Variants in RBM26 observed in about 807,000 individuals in gnomAD.
RBM26 encodes the protein RNA binding motif protein 26.
Under a neutral mutation model 123.6 loss-of-function variants are expected in RBM26, and 30 were observed. The observed-to-expected ratio is 0.24, with a 90% CI of 0.18 to 0.33. RBM26 has a LOEUF of 0.33. Ranked by LOEUF, RBM26 falls within the 10% of genes least tolerant of loss-of-function variation. The pLI is 1.00. For synonymous variants in RBM26, 400 were observed against 404.4 expected (o/e 0.99, Z 0.13); for missense variants, 947 against 1,203.6 (o/e 0.79, Z 3.15).
intron 1 of RBM26, among the ~76,000 whole-genome samples, chr13:79,386,473 A>G (rs77931165): frequency 6.6e-6 from 1 of 151,686 alleles, no homozygotes. Flanking sequence ...TCAGATAACA[A>G]AACCAAAGTA....
At chr13:79,373,898 C>G (rs2076401070) in intron 3 of RBM26, among the ~76,000 whole-genome samples, 2 of 150,942 alleles carry the variant, frequency 1.3e-5, no homozygotes, top group African/African-American at 4.9e-5. Flanking sequence ...CTCAGTGCTA[C>G]TTTCTCCAGA....
intron 1 of RBM26, among the ~76,000 whole-genome samples, chr13:79,384,837 T>G (rs1214575653): frequency 6.6e-6 from 1 of 152,166 alleles, no homozygotes; most frequent in African/African-American, 2.4e-5. Context: ...TGTGTTTTAG[T>G]TTTTCAGATT....
chr13:79,382,384 T>C (rs2077132762), intron 1 of RBM26, among the ~76,000 whole-genome samples: 1 of 152,116 alleles, frequency 6.6e-6, no homozygotes, highest in African/African-American at 2.4e-5. Flanking sequence ...GCTAGCATCC[T>C]GAAAATGTGT....
chr13:79,347,420 C>T (rs1056434096), intron 14 of RBM26, among the ~76,000 whole-genome samples: 9 of 152,142 alleles, frequency 5.9e-5, no homozygotes, highest in African/African-American at 2.2e-4. Flanking sequence ...CTATTTGAAT[C>T]TATCTGGTTC....
In RBM26 at chr13:79,346,318, C is replaced by T. The variant is rs189326453; in HGVS notation, c.2059-1524G>A. 8.5e-5 allele frequency among the ~76,000 whole-genome samples: 13 copies of T among 152,258 alleles called. No homozygotes were observed. The East Asian group carries it at 2.5e-3, about 29-fold the overall frequency. On this transcript the variant is annotated intron_variant, in intron 14 of 21. Coordinates refer to ENST00000438737, the MANE Select transcript of RBM26 (RefSeq NM_001366735.2). Reference sequence around the variant, plus strand: ...ATATTATAATTGTACTAGTTTCATACAGTACAGCTGATATTTAAAAAGAAA... The same window carrying T: ...ATATTATAATTGTACTAGTTTCATATAGTACAGCTGATATTTAAAAAGAAA...
Position 79,354,462 on chromosome 13 carries a change from T to C in RBM26, c.1963A>G (p.Ser655Gly). ...SSTIEPAEAQ[S>G]ASSDLPQNVT... ...ACCTGAGGAAGGTCTGAAGAGGCACTCTGGGCTTCTGCAGGTTCAATAGTA... is the reference window on the plus strand; with the variant it reads ...ACCTGAGGAAGGTCTGAAGAGGCACCCTGGGCTTCTGCAGGTTCAATAGTA... The change falls in exon 13 of 22, where the codon AGT (serine) becomes GGT (glycine). Residue 655 changes from serine (S) to glycine (G), a missense_variant. Physicochemically the swap from Ser to Gly is moderately conservative, Grantham distance 56. Around this residue, in one of 5 missense-constraint regions of RBM26, gnomAD observed 493 missense variants for 563.1 expected, o/e 0.88. Transcript: ENST00000438737. 1 of 1,597,472 alleles carries C rather than the reference T, an allele frequency of 6.3e-7. No individual in the cohort carries two copies. Among genetic ancestry groups the C allele is most frequent in the Non-Finnish European group, 8.6e-7 (1 of 1,169,036 alleles).
intron 16 of RBM26, among the ~76,000 whole-genome samples, chr13:79,343,959 T>C (rs1462774576): frequency 6.6e-6 from 1 of 151,870 alleles, no homozygotes; most frequent in African/African-American, 2.4e-5. Flanking sequence ...AAGGTACATA[T>C]CAATACTGAG....
At chr13:79,348,631 G>T (rs1172240196) in intron 14 of RBM26, among the ~76,000 whole-genome samples, 1 of 152,102 alleles carries the variant, frequency 6.6e-6, no homozygotes, top group Non-Finnish European at 1.5e-5. Flanking sequence ...GCAATCAAAA[G>T]ACAGTATGAG....
At position 79,319,448 on chromosome 13, in the gene RBM26, A is replaced by G. The variant is rs180985021; in HGVS notation, c.*1173T>C. The G allele has an allele frequency of 2.1e-5, 21 of 984,268 alleles. 1 individual carries two copies. In the Admixed American group the frequency reaches 9.9e-4, roughly 46 times the overall value. The allele number at this position is 984,268 out of a possible 1,614,324, so 61.0% of individuals were successfully genotyped here. On this transcript the variant is annotated 3_prime_UTR_variant, in exon 22 of 22. Transcript: ENST00000438737. Reference sequence around the variant, plus strand: ...TTCACTTGCAAAAGAAATCCACTTAAAAAAATCACAGTATTGTTGCAAACA... The same window carrying G: ...TTCACTTGCAAAAGAAATCCACTTAGAAAAATCACAGTATTGTTGCAAACA...
chr13:79,315,731 C>A (rs1158255383), downstream of RBM26, among the ~76,000 whole-genome samples: 1 of 151,724 alleles, frequency 6.6e-6, no homozygotes, highest in African/African-American at 2.4e-5. Context: ...GAAAGTTATA[C>A]CAAATTAGGT....
chr13:79,355,167 T>C (rs972160008), intron 12 of RBM26, 53 bp downstream of exon 12: 3 of 1,541,740 alleles, frequency 1.9e-6, no homozygotes, highest in Admixed American at 3.4e-5. Context: ...GTAAACGCTA[T>C]GCTAAGAGCT....
At chr13:79,365,754 T>C (rs772700576) in intron 8 of RBM26, 36 bp from the exon 9 acceptor site, 7 of 1,586,030 alleles carry the variant, frequency 4.4e-6, no homozygotes, top group East Asian at 2.2e-5. Flanking sequence ...AAAACAATTA[T>C]AAAACTCCAC....
rs1307360777 is a variant in RBM26, at chr13:79,368,964, C to T, written c.661G>A (p.Asp221Asn). 1 of 1,608,526 alleles carries T rather than the reference C, an allele frequency of 6.2e-7. No homozygotes were observed. The highest frequency in any genetic ancestry group is 8.5e-7 in the Non-Finnish European group (1 of 1,176,392). Residue 221 changes from aspartate (D) to asparagine (N), a missense_variant, in exon 6 of 22, where the codon GAC becomes AAC. Transcript: ENST00000438737. ...TCTAATGGATCTGTTCTATCCAGGTCATATTTAGGTTTTACCAGATCCCTT... is the reference window on the plus strand; with the variant it reads ...TCTAATGGATCTGTTCTATCCAGGTTATATTTAGGTTTTACCAGATCCCTT... ...RERDLVKPKY[D>N]LDRTDPLENN... is the part of the protein sequence containing the mutation.
chr13:79,395,419 G>C (rs6563107), intron 1 of RBM26, among the ~76,000 whole-genome samples: 1 of 151,982 alleles, frequency 6.6e-6, no homozygotes, highest in South Asian at 2.1e-4. Context: ...ACTCTCCTTC[G>C]CAGTCTGGAA....
At chr13:79,395,960 G>A (rs139428971) in intron 1 of RBM26, among the ~76,000 whole-genome samples, 145 of 152,060 alleles carry the variant, frequency 9.5e-4, no homozygotes, top group Non-Finnish European at 1.5e-3. Context: ...TTCCAAAACC[G>A]ATGAAAGACC....
chr13:79,391,714 G>A lies in RBM26; in HGVS notation c.72-12807C>T, dbSNP rs900617506. On this transcript the variant is annotated intron_variant, in intron 1 of 21. Transcript: ENST00000438737. ...GCTGGGATTACAGGCGTGAGCCACC[G>A]CACCCAGCCGAAGCATTTCTATATT... 9.9e-5 allele frequency among the ~76,000 whole-genome samples: 15 copies of A among 152,108 alleles called. 1 individual carries two copies. In the South Asian group the frequency reaches 1.0e-3, roughly 11 times the overall value.
intron 19 of RBM26, 121 bp downstream of exon 19, chr13:79,336,979 ACT>A: frequency 3.4e-6 from 3 of 882,862 alleles, no homozygotes; most frequent in South Asian, 1.7e-5. Flanking sequence ...TAAAGATTAA[ACT>A]CTTTGTTCAG....
rs2067525937 is a variant in RBM26, at chr13:79,320,202, T to C, written c.*419A>G. ...CTTGGAGACTTTAGTTAGAGTACTA[T>C]GTTATCTATTCAGTTTTGAAAACAT... On this transcript the variant is annotated 3_prime_UTR_variant, in exon 22 of 22. Coordinates refer to ENST00000438737, the MANE Select transcript of RBM26 (RefSeq NM_001366735.2). The C allele has an allele frequency of 1.1e-6, 1 of 951,324 alleles. No individual in the cohort carries two copies. The highest frequency in any genetic ancestry group is 1.3e-6 in the Non-Finnish European group (1 of 798,062). The allele number at this position is 951,324 out of a possible 1,614,324, so 58.9% of individuals were successfully genotyped here. A position where few individuals can be genotyped will look rare whatever the true frequency, so the allele number is the denominator to read the frequency against.
intron 1 of RBM26, among the ~76,000 whole-genome samples, chr13:79,379,543 C>A (rs1227529034): frequency 2.7e-5 from 4 of 147,160 alleles, no homozygotes; most frequent in Non-Finnish European, 4.5e-5. Flanking sequence ...AACCCTATCT[C>A]AAAAAAAAAA....
Sources: gnomAD v4.1 joint callset for allele counts (sites outside exome capture counted in the v4.1 genomes callset) on GRCh38, gnomAD v4.1.1 for gene constraint, gnomAD v4.1.1 regional missense constraint, MANE v1.5 for transcripts, NCBI Gene and HGNC (gene_info 2026-07-23, HGNC 2026-07-21) for gene names.